CERS6: variants seen among roughly 807,000 people sequenced by gnomAD.
CERS6 encodes the protein ceramide synthase 6, also known as LAG1 homolog, ceramide synthase 6.
A neutral mutation model predicts 56.8 loss-of-function variants in CERS6; 26 were observed. The observed-to-expected ratio is 0.46, with a 90% confidence interval of 0.34 to 0.63. The LOEUF (loss-of-function observed/expected upper bound fraction) is 0.63. CERS6 is among the 30% of genes least tolerant of loss of function. CERS6 has a pLI of 0.01. For synonymous variants in CERS6, 164 were observed against 173.3 expected (o/e 0.95, Z 0.42); for missense variants, 415 against 467.5 (o/e 0.89, Z 1.04).
At chr2:168,547,780 T>G in intron 2 of CERS6, 79 bp downstream of exon 2, 2 of 1,035,816 alleles carry the variant, frequency 1.9e-6, no homozygotes, top group Non-Finnish European at 3.0e-6. Flanking sequence ...TGTCCCCTTC[T>G]GGGTTTGGAG....
At chr2:168,463,955 A>T (rs905197035) in intron 1 of CERS6, among the ~76,000 whole-genome samples, 46 of 152,172 alleles carry the variant, frequency 3.0e-4, no homozygotes, top group African/African-American at 1.0e-3. Context: ...TGTTACTGTT[A>T]TAATGTGTGT....
chr2:168,590,891 C>T (rs1369141985), intron 3 of CERS6, among the ~76,000 whole-genome samples: 3 of 152,220 alleles, frequency 2.0e-5, no homozygotes, highest in Non-Finnish European at 4.4e-5. Context: ...ACCACAAACA[C>T]TGAATCCAGA....
At chr2:168,528,953 A>G (rs1695118240) in intron 1 of CERS6, among the ~76,000 whole-genome samples, 1 of 152,238 alleles carries the variant, frequency 6.6e-6, no homozygotes, top group African/African-American at 2.4e-5. Flanking sequence ...TTGTAATGCC[A>G]TCATCAGACT....
chr2:168,459,515 G>A (rs1216180753), intron 1 of CERS6, among the ~76,000 whole-genome samples: 2 of 152,190 alleles, frequency 1.3e-5, no homozygotes, highest in Non-Finnish European at 2.9e-5. Flanking sequence ...TTTTGGCTGA[G>A]TCTGTGAAGA....
In CERS6 at chr2:168,545,175, A is replaced by G. The variant is rs1248249660; in HGVS notation, c.171-2421A>G. On this transcript the variant is annotated intron_variant, in intron 1 of 9. Coordinates refer to ENST00000305747, the MANE Select transcript of CERS6 (RefSeq NM_203463.3). The stretch of plus-strand genomic sequence containing the variant: ...TACATGTATTTGTAGAAACACATAC[A>G]TGTACATATATAATTATAATAATTT... Among the ~76,000 whole-genome samples, 3 of 152,210 alleles carry G rather than the reference A, an allele frequency of 2.0e-5. No homozygotes were observed. In the East Asian group the frequency reaches 5.8e-4, roughly 29 times the overall value.
chr2:168,682,394 T>C (rs373601705), intron 4 of CERS6, among the ~76,000 whole-genome samples: 1 of 152,200 alleles, frequency 6.6e-6, no homozygotes, highest in Admixed American at 6.5e-5. Flanking sequence ...TTGCCAGGCA[T>C]TTTTAGTGTG....
intron 4 of CERS6, among the ~76,000 whole-genome samples, chr2:168,664,849 G>C (rs1184869641): frequency 6.6e-6 from 1 of 152,168 alleles, no homozygotes; most frequent in Non-Finnish European, 1.5e-5. Flanking sequence ...TTAACCGTCT[G>C]AGAGTGCAGC....
At chr2:168,677,352 C>T (rs1487505285) in intron 4 of CERS6, among the ~76,000 whole-genome samples, 1 of 152,112 alleles carries the variant, frequency 6.6e-6, no homozygotes, top group African/African-American at 2.4e-5. Flanking sequence ...CATGAACTCA[C>T]TCTTTTTTAT....
At chr2:168,497,021 G>T (rs987808642) in intron 1 of CERS6, among the ~76,000 whole-genome samples, 2 of 152,154 alleles carry the variant, frequency 1.3e-5, no homozygotes, top group African/African-American at 4.8e-5. Context: ...TTCTAATCTA[G>T]CCTAGGCAGG....
intron 6 of CERS6, among the ~76,000 whole-genome samples, chr2:168,712,269 G>A (rs1687110222): frequency 6.6e-6 from 1 of 152,170 alleles, no homozygotes; most frequent in African/African-American, 2.4e-5. Context: ...TAAACCAGAT[G>A]TTCAGCTTGG....
rs1291301769 is a variant in CERS6, at chr2:168,774,245, G to C, written c.*4583G>C. 6.6e-6 allele frequency: 1 copy of C among 152,194 alleles called. No homozygotes were observed. Among genetic ancestry groups the C allele is most frequent in the African/African-American group, 2.4e-5 (1 of 41,436 alleles). 9.4% of individuals were successfully genotyped at this position (152,194 alleles called of 1,614,324 possible). A position where few individuals can be genotyped will look rare whatever the true frequency, so the allele number is the denominator to read the frequency against. Reference sequence around the variant, plus strand: ...GCCCAGAAAGGGATGTGAGGGGACCGTTAAGATCTGTCTTGCTTATCTCAT... The same window carrying C: ...GCCCAGAAAGGGATGTGAGGGGACCCTTAAGATCTGTCTTGCTTATCTCAT... On this transcript the variant is annotated 3_prime_UTR_variant, in exon 10 of 10. Coordinates refer to ENST00000305747, the MANE Select transcript of CERS6 (RefSeq NM_203463.3).
intron 4 of CERS6, among the ~76,000 whole-genome samples, chr2:168,641,672 G>T (rs958913051): frequency 6.6e-6 from 1 of 152,178 alleles, no homozygotes; most frequent in Non-Finnish European, 1.5e-5. Context: ...ACCTTGTTTC[G>T]TCCCTGAGCC....
Position 168,766,505 on chromosome 2 carries a change from A to G in CERS6, c.1002+757A>G, listed in dbSNP as rs1176873585. On this transcript the variant is annotated intron_variant, in intron 9 of 9. Coordinates refer to ENST00000305747, the MANE Select transcript of CERS6 (RefSeq NM_203463.3). The stretch of plus-strand genomic sequence containing the variant: ...TGTAGCTCTGTGAACTGCAAGAGAC[A>G]CTAGAGACAGCTCTGTTAGGGCCCT... Among the ~76,000 whole-genome samples the G allele has an allele frequency of 2.0e-5, 3 of 152,210 alleles. No homozygotes were observed. The East Asian group carries it at 5.8e-4, about 29-fold the overall frequency.
At chr2:168,608,010 C>G (rs1048139764) in intron 3 of CERS6, among the ~76,000 whole-genome samples, 1 of 152,164 alleles carries the variant, frequency 6.6e-6, no homozygotes, top group Non-Finnish European at 1.5e-5. Flanking sequence ...CCCTGTGGAG[C>G]AAACAGAGCA....
intron 4 of CERS6, among the ~76,000 whole-genome samples, chr2:168,678,071 T>C (rs1686109823): frequency 6.6e-6 from 1 of 152,116 alleles, no homozygotes; most frequent in Non-Finnish European, 1.5e-5. Flanking sequence ...TGTGGAGAAA[T>C]AGGAACGCTT....
intron 8 of CERS6, among the ~76,000 whole-genome samples, chr2:168,754,220 C>T (rs766980162): frequency 6.6e-6 from 1 of 152,138 alleles, no homozygotes; most frequent in Non-Finnish European, 1.5e-5. Context: ...GGGTCTGTTT[C>T]TTGGGAACAG....
chr2:168,538,962 G>GTTTTT (rs1163359229), intron 1 of CERS6, among the ~76,000 whole-genome samples: 3 of 4,826 alleles, frequency 6.2e-4, no homozygotes, highest in African/African-American at 6.6e-4. Flanking sequence ...GGAAAATATT[G>GTTTTT]TTTTTTTTTT....
chr2:168,466,644 A>G (rs995501577), intron 1 of CERS6, among the ~76,000 whole-genome samples: 1 of 152,214 alleles, frequency 6.6e-6, no homozygotes, highest in Non-Finnish European at 1.5e-5. Flanking sequence ...ATTCATCTGT[A>G]AGAATGTTTT....
chr2:168,740,317 T>C (rs559923290), intron 8 of CERS6, among the ~76,000 whole-genome samples: 1 of 152,378 alleles, frequency 6.6e-6, no homozygotes, highest in African/African-American at 2.4e-5. Flanking sequence ...TGCTATGTAT[T>C]ATCTTCAGAG....
Sources: allele counts gnomAD v4.1 joint callset (sites outside exome capture counted in the v4.1 genomes callset), GRCh38; gene constraint gnomAD v4.1.1; transcripts MANE v1.5; gene names NCBI Gene and HGNC (gene_info 2026-07-23, HGNC 2026-07-21).